C10orf90: variants seen among roughly 807,000 people sequenced by gnomAD.
C10orf90 encodes the protein (E2-independent) E3 ubiquitin-conjugating enzyme FATS.
In C10orf90, 56 loss-of-function variants were observed where a neutral mutation model predicts 62.5. The ratio of observed to expected loss-of-function variants is 0.90; its 90% CI spans 0.72 to 1.12. The LOEUF is 1.12. C10orf90 is among the 50% of genes most tolerant of loss of function. The pLI is 0.00. For missense variants in C10orf90, 970 were observed against 880.4 expected (o/e 1.10, Z -1.29); for synonymous variants, 386 against 340.4 (o/e 1.13, Z -1.47).
intron 2 of C10orf90, among the ~76,000 whole-genome samples, chr10:126,571,822 G>A (rs1844512550): frequency 6.6e-6 from 1 of 152,080 alleles, no homozygotes; most frequent in African/African-American, 2.4e-5. Context: ...AAGACCTCAG[G>A]CCACTGGCTA....
intron 2 of C10orf90, among the ~76,000 whole-genome samples, chr10:126,582,513 G>C (rs991296582): frequency 2.6e-5 from 4 of 152,144 alleles, no homozygotes; most frequent in African/African-American, 9.7e-5. Flanking sequence ...TGAAAATGTC[G>C]GCTGTGATCT....
At chr10:126,434,826 TG>T (rs1375237859) in intron 7 of C10orf90, among the ~76,000 whole-genome samples, 6 of 152,200 alleles carry the variant, frequency 3.9e-5, no homozygotes, top group Non-Finnish European at 5.9e-5. Context: ...GGTTTAAACT[TG>T]AACATTTCTG....
chr10:126,661,610 A>G (rs550637563), intron 1 of C10orf90, among the ~76,000 whole-genome samples: 1 of 151,748 alleles, frequency 6.6e-6, no homozygotes, highest in Admixed American at 6.6e-5. Flanking sequence ...GATAGATCTT[A>G]CAGTGCTCTT....
intron 4 of C10orf90, among the ~76,000 whole-genome samples, chr10:126,479,541 T>G (rs1590978666): frequency 6.6e-6 from 1 of 152,212 alleles, no homozygotes; most frequent in Non-Finnish European, 1.5e-5. Context: ...CAACTCATCC[T>G]GAATGGGAGT....
chr10:126,662,932 T>C (rs541504575), intron 1 of C10orf90, among the ~76,000 whole-genome samples: 1 of 152,312 alleles, frequency 6.6e-6, no homozygotes, highest in South Asian at 2.1e-4. Context: ...CCTGGCATCA[T>C]TGGGATGGGT....
chr10:126,555,593 C>T (rs1005585704), intron 2 of C10orf90, among the ~76,000 whole-genome samples: 4 of 151,656 alleles, frequency 2.6e-5, no homozygotes, highest in African/African-American at 4.8e-5. Context: ...GCAGGAGAAT[C>T]GCTTGAACCT....
intron 2 of C10orf90, among the ~76,000 whole-genome samples, chr10:126,544,015 TC>T (rs989153160): frequency 6.8e-4 from 103 of 152,312 alleles, no homozygotes; most frequent in African/African-American, 2.4e-3. Flanking sequence ...TGGGTGATTC[TC>T]AATTCAGCTG....
In C10orf90 at chr10:126,525,528, G is replaced by A. The variant is rs114609553; in HGVS notation, c.314-11589C>T. Among the ~76,000 whole-genome samples the A allele has an allele frequency of 2.8e-4, 43 of 152,224 alleles. 1 individual carries two copies. The highest frequency in any genetic ancestry group is 9.9e-4 in the African/African-American group (41 of 41,528). On this transcript the variant is annotated intron_variant, in intron 2 of 9. Coordinates refer to ENST00000488181, the MANE Select transcript of C10orf90 (RefSeq NM_001350921.2). ...GCCTGCAGAGATGATTACAGGCTCC[G>A]CCGTGAGCTGGACAAATGAGGTTGG...
intron 4 of C10orf90, among the ~76,000 whole-genome samples, chr10:126,466,795 G>T (rs1463137406): frequency 6.6e-6 from 1 of 152,198 alleles, no homozygotes; most frequent in East Asian, 1.9e-4. Context: ...GTACCAAAAA[G>T]AAAGAAACTG....
chr10:126,591,431 T>C (rs563308595), intron 2 of C10orf90, among the ~76,000 whole-genome samples: 2 of 151,954 alleles, frequency 1.3e-5, no homozygotes, highest in Non-Finnish European at 2.9e-5. Flanking sequence ...CATAAACAGA[T>C]CTAAAGACAA....
chr10:126,633,487 T>C (rs1845890901), intron 2 of C10orf90, among the ~76,000 whole-genome samples: 1 of 152,050 alleles, frequency 6.6e-6, no homozygotes, highest in South Asian at 2.1e-4. Flanking sequence ...CCCAGAAAGA[T>C]TTGGGGAAGG....
chr10:126,558,912 G>A (rs976126972), intron 2 of C10orf90, among the ~76,000 whole-genome samples: 2 of 152,206 alleles, frequency 1.3e-5, no homozygotes, highest in African/African-American at 4.8e-5. Flanking sequence ...CAGGCTGCCT[G>A]GGGAAATGTG....
At chr10:126,541,459 G>T (rs1012123889) in intron 2 of C10orf90, among the ~76,000 whole-genome samples, 1 of 152,026 alleles carries the variant, frequency 6.6e-6, no homozygotes, top group African/African-American at 2.4e-5. Context: ...CCAAATAAAG[G>T]TTTAATATCC....
At chr10:126,652,186 T>C (rs1846304140) in intron 1 of C10orf90, among the ~76,000 whole-genome samples, 1 of 152,206 alleles carries the variant, frequency 6.6e-6, no homozygotes, top group Admixed American at 6.5e-5. Context: ...AAAACTGAGA[T>C]TTATTGCTCT....
intron 7 of C10orf90, among the ~76,000 whole-genome samples, chr10:126,455,334 T>C (rs1411725976): frequency 6.6e-6 from 1 of 152,154 alleles, no homozygotes; most frequent in Non-Finnish European, 1.5e-5. Flanking sequence ...CCCTGCCCTA[T>C]TGGCATGGTT....
chr10:126,430,685 T>G (rs1342906655), intron 7 of C10orf90, among the ~76,000 whole-genome samples: 1 of 152,210 alleles, frequency 6.6e-6, no homozygotes, highest in African/African-American at 2.4e-5. Context: ...CTAAAACACC[T>G]GGGCAGTAAC....
At chr10:126,522,532 C>G (rs1046336148) in intron 2 of C10orf90, among the ~76,000 whole-genome samples, 3 of 152,184 alleles carry the variant, frequency 2.0e-5, no homozygotes, top group African/African-American at 7.2e-5. Context: ...AATCTCAAGC[C>G]CCTTGCGTCT....
At chr10:126,616,388 A>G (rs1051279505) in intron 2 of C10orf90, among the ~76,000 whole-genome samples, 2 of 152,198 alleles carry the variant, frequency 1.3e-5, no homozygotes, top group African/African-American at 2.4e-5. Flanking sequence ...GGTAGAAGGT[A>G]AGAGAGAAGT....
chr10:126,529,240 A>C (rs2133953016), intron 2 of C10orf90, among the ~76,000 whole-genome samples: 1 of 152,356 alleles, frequency 6.6e-6, no homozygotes, highest in East Asian at 1.9e-4. Context: ...TAAAACCTTA[A>C]ACGCAAAAGG....
Sources: allele counts gnomAD v4.1 joint callset (sites outside exome capture counted in the v4.1 genomes callset), GRCh38; gene constraint gnomAD v4.1.1; transcripts MANE v1.5; gene names NCBI Gene and HGNC (gene_info 2026-07-23, HGNC 2026-07-21).